The following AGPS variants were observed in gnomAD, a reference collection of about 807,000 sequenced individuals.
The protein encoded by AGPS is alkylglycerone phosphate synthase.
A neutral mutation model predicts 90.7 loss-of-function variants in AGPS; 26 were observed. The ratio of observed to expected loss-of-function variants is 0.29; its 90% CI spans 0.21 to 0.40. The LOEUF (loss-of-function observed/expected upper bound fraction) is 0.40, where lower values mean the gene tolerates loss of function less well. Among genes scored for constraint, AGPS ranks in the 10% least tolerant of loss-of-function variants. The pLI, the probability that AGPS is intolerant of heterozygous loss-of-function variation, is 1.00. For missense variants in AGPS, 540 were observed against 816.1 expected (o/e 0.66, Z 4.12); for synonymous variants, 294 against 285.3 (o/e 1.03, Z -0.31).
At chr2:177,440,873 TTAGA>T (rs1454691698) in intron 5 of AGPS, 88 bp from the exon 6 acceptor site, 4 of 1,060,140 alleles carry the variant, frequency 3.8e-6, no homozygotes, top group Non-Finnish European at 5.8e-6. Context: ...AAGGAAAAGT[TTAGA>T]TAAAGAATTT....
intron 19 of AGPS, 152 bp from the exon 20 acceptor site, chr2:177,537,922 C>G (rs990362930): frequency 1.4e-5 from 15 of 1,052,830 alleles, no homozygotes; most frequent in Admixed American, 3.8e-5. Context: ...GCTTGATAGT[C>G]TGGTGGGCTC....
chr2:177,469,294 C>T (rs1687543087), intron 10 of AGPS, among the ~76,000 whole-genome samples: 1 of 152,042 alleles, frequency 6.6e-6, no homozygotes. Flanking sequence ...GTCCAAGCTG[C>T]AGAAGATATA....
chr2:177,496,766 T>A (rs1312045193), intron 12 of AGPS, among the ~76,000 whole-genome samples: 2 of 152,076 alleles, frequency 1.3e-5, no homozygotes, highest in Admixed American at 1.3e-4. Flanking sequence ...AAACTACCAG[T>A]GATAGTTTTA....
intron 11 of AGPS, among the ~76,000 whole-genome samples, chr2:177,487,264 CAA>C (rs1371955975): frequency 6.6e-6 from 1 of 151,950 alleles, no homozygotes; most frequent in Non-Finnish European, 1.5e-5. Flanking sequence ...TTTATTCCAA[CAA>C]GAGGAAAAAC....
chr2:177,525,780 A>C (rs1490892712), intron 19 of AGPS, among the ~76,000 whole-genome samples: 2 of 152,212 alleles, frequency 1.3e-5, no homozygotes, highest in Non-Finnish European at 2.9e-5. Flanking sequence ...AAACCAAACC[A>C]ACAGTTTTTT....
At chr2:177,533,656 T>C (rs2079158011) in intron 19 of AGPS, among the ~76,000 whole-genome samples, 1 of 152,212 alleles carries the variant, frequency 6.6e-6, no homozygotes, top group African/African-American at 2.4e-5. Flanking sequence ...CATTATTACA[T>C]TGTTACAGAA....
At chr2:177,513,782 T>A (rs1688948650) in intron 16 of AGPS, 37 bp from the exon 17 acceptor site, 1 of 1,512,732 alleles carries the variant, frequency 6.6e-7, no homozygotes, top group South Asian at 1.1e-5. Flanking sequence ...AGTTCTCACT[T>A]GAAAACTTAA....
intron 1 of AGPS, among the ~76,000 whole-genome samples, chr2:177,412,991 C>A (rs1685664443): frequency 6.6e-6 from 1 of 152,122 alleles, no homozygotes; most frequent in African/African-American, 2.4e-5. Context: ...GGGTGGAAGT[C>A]AGCATCAGCG....
rs532563752 is a variant in AGPS at position 177,519,363 on chromosome 2, T to A, written c.1698-1906T>A. On this transcript the variant is annotated intron_variant, in intron 17 of 19. Transcript: ENST00000264167. ...CCAGAACACTTTTCCCAATCCGACC[T>A]ATCCCAATTTTCTTATTCTTTGTAT... 5.3e-5 allele frequency among the ~76,000 whole-genome samples: 8 copies of A among 152,306 alleles called. No homozygotes were observed. In the South Asian group the frequency reaches 1.5e-3, roughly 28 times the overall value.
intron 1 of AGPS, among the ~76,000 whole-genome samples, chr2:177,397,461 T>G (rs1559029390): frequency 1.3e-5 from 2 of 151,752 alleles, no homozygotes; most frequent in Admixed American, 6.6e-5. Flanking sequence ...GGTTTTGGAT[T>G]TTTTTCAGTT....
intron 19 of AGPS, among the ~76,000 whole-genome samples, chr2:177,527,682 A>G (rs1336792020): frequency 6.6e-6 from 1 of 152,154 alleles, no homozygotes; most frequent in East Asian, 1.9e-4. Context: ...AGCTATGTGT[A>G]TAAGTTATGT....
intron 1 of AGPS, chr2:177,393,289 C>T (rs1310492587): frequency 3.0e-6 from 3 of 985,286 alleles, no homozygotes; most frequent in East Asian, 1.1e-4. Flanking sequence ...GCTTGAAGAA[C>T]TCTCGTTGGA....
At chr2:177,485,847 G>A (rs1688076879) in intron 11 of AGPS, among the ~76,000 whole-genome samples, 1 of 152,102 alleles carries the variant, frequency 6.6e-6, no homozygotes, top group Non-Finnish European at 1.5e-5. Context: ...AGCCCAGGAG[G>A]TCGAGGCTGC....
intron 2 of AGPS, among the ~76,000 whole-genome samples, chr2:177,425,642 A>AG (rs1355256195): frequency 6.6e-6 from 1 of 151,532 alleles, no homozygotes; most frequent in East Asian, 1.9e-4. Context: ...AAAAAAAAAA[A>AG]AAGGAAATCC....
chr2:177,460,420 C>T (rs1320131916), intron 8 of AGPS, among the ~76,000 whole-genome samples: 4 of 152,116 alleles, frequency 2.6e-5, no homozygotes, highest in Non-Finnish European at 5.9e-5. Flanking sequence ...ATAGTGTCAG[C>T]TTCATATGGT....
intron 12 of AGPS, among the ~76,000 whole-genome samples, chr2:177,494,190 A>G (rs1334006699): frequency 2.6e-5 from 4 of 152,200 alleles, no homozygotes; most frequent in Non-Finnish European, 4.4e-5. Flanking sequence ...GGCTTTTGTC[A>G]TGTCTAAAAG....
At chr2:177,462,757 T>C (rs1687338002) in intron 9 of AGPS, among the ~76,000 whole-genome samples, 1 of 152,188 alleles carries the variant, frequency 6.6e-6, no homozygotes, top group Non-Finnish European at 1.5e-5. Flanking sequence ...TATTCATAAA[T>C]ATTCTAAAAT....
At chr2:177,451,434 T>A (rs1686946340) in intron 8 of AGPS, among the ~76,000 whole-genome samples, 1 of 152,196 alleles carries the variant, frequency 6.6e-6, no homozygotes, top group Admixed American at 6.5e-5. Context: ...TTTTAACTTT[T>A]TTTTTGTAGA....
intron 8 of AGPS, among the ~76,000 whole-genome samples, chr2:177,457,410 G>C (rs1174777059): frequency 6.6e-6 from 1 of 151,954 alleles, no homozygotes; most frequent in Non-Finnish European, 1.5e-5. Context: ...GCTGTTTTTT[G>C]AAAATACCAA....
Sources: gnomAD v4.1 joint callset for allele counts (sites outside exome capture counted in the v4.1 genomes callset) on GRCh38, gnomAD v4.1.1 for gene constraint, MANE v1.5 for transcripts, NCBI Gene and HGNC (gene_info 2026-07-23, HGNC 2026-07-21) for gene names.